The following IMMP2L variants were observed in gnomAD, a reference collection of about 807,000 sequenced individuals.
The protein encoded by IMMP2L is inner mitochondrial membrane peptidase subunit 2, also known as mitochondrial inner membrane protease subunit 2.
In IMMP2L, 18 loss-of-function variants were observed where a neutral mutation model predicts 19.3. The observed-to-expected ratio is 0.93, with a 90% CI of 0.64 to 1.38. The LOEUF (loss-of-function observed/expected upper bound fraction) is 1.38, where lower values mean the gene tolerates loss of function less well. Among genes scored for constraint, IMMP2L ranks in the 40% most tolerant of loss-of-function variants. The pLI, the probability that IMMP2L is intolerant of heterozygous loss-of-function variation, is 0.00. For synonymous variants in IMMP2L, 76 were observed against 73.0 expected, an observed-to-expected ratio of 1.04 and a Z score of -0.21; for missense variants, 233 against 218.2, an observed-to-expected ratio of 1.07 and a Z score of -0.43.
At chr7:111,329,583 A>G (rs898279343) in intron 3 of IMMP2L, among the ~76,000 whole-genome samples, 9 of 151,876 alleles carry the variant, frequency 5.9e-5, no homozygotes, top group African/African-American at 2.2e-4. Context: ...CAGAACACTG[A>G]TAACAGAAAG....
chr7:110,674,970 G>C (rs1275445998), intron 5 of IMMP2L, among the ~76,000 whole-genome samples: 1 of 152,126 alleles, frequency 6.6e-6, no homozygotes, highest in Non-Finnish European at 1.5e-5. Flanking sequence ...CTCCCAGCCA[G>C]TCCAATTCAT....
chr7:111,362,341 T>G (rs1257402668), intron 3 of IMMP2L, among the ~76,000 whole-genome samples: 1 of 152,086 alleles, frequency 6.6e-6, no homozygotes, highest in Non-Finnish European at 1.5e-5. Context: ...TTTCTAAAAC[T>G]GTAATGTTCA....
At chr7:111,186,546 A>G (rs1360451926) in intron 3 of IMMP2L, among the ~76,000 whole-genome samples, 5 of 152,042 alleles carry the variant, frequency 3.3e-5, no homozygotes, top group Non-Finnish European at 5.9e-5. Context: ...CTCCTGCTTC[A>G]GCCTCCTGAG....
At chr7:110,864,862 C>T (rs1219479438) in intron 5 of IMMP2L, among the ~76,000 whole-genome samples, 1 of 152,026 alleles carries the variant, frequency 6.6e-6, no homozygotes, top group African/African-American at 2.4e-5. Flanking sequence ...ACTCTCCATT[C>T]TAACAAGTCT....
chr7:111,369,518 G>A (rs1465684808), intron 3 of IMMP2L, among the ~76,000 whole-genome samples: 1 of 151,872 alleles, frequency 6.6e-6, no homozygotes, highest in East Asian at 1.9e-4. Context: ...ATTGGTGAGA[G>A]TCTAAAAAGC....
chr7:111,034,560 CT>C (rs34439753), intron 3 of IMMP2L, among the ~76,000 whole-genome samples: 4 of 152,066 alleles, frequency 2.6e-5, no homozygotes, highest in Non-Finnish European at 4.4e-5. Flanking sequence ...TTCCCTCCAC[CT>C]ATCTATCCAC....
intron 3 of IMMP2L, among the ~76,000 whole-genome samples, chr7:111,447,711 T>G (rs1838647805): frequency 6.6e-6 from 1 of 151,126 alleles, no homozygotes; most frequent in Non-Finnish European, 1.5e-5. Flanking sequence ...ATAACAATAT[T>G]AACTTTAAAT....
In IMMP2L at chr7:111,386,780, G is replaced by A. The variant is rs147919626; in HGVS notation, c.239+100458C>T. On this transcript the variant is annotated intron_variant, in intron 3 of 5. Transcript: ENST00000405709. The stretch of plus-strand genomic sequence containing the variant: ...GCTCCCTGTGTTCCTTGAAGGTTAT[G>A]TATAACCAAGATCTACCTTTAATGT... Among the ~76,000 whole-genome samples the A allele has an allele frequency of 5.3e-5, 8 of 152,200 alleles. No individual in the cohort carries two copies. The East Asian group carries it at 1.6e-3, about 30-fold the overall frequency.
intron 3 of IMMP2L, among the ~76,000 whole-genome samples, chr7:110,987,608 C>T (rs1261364285): frequency 2.0e-5 from 3 of 152,144 alleles, no homozygotes; most frequent in African/African-American, 7.2e-5. Context: ...ACTTTGGAAA[C>T]ACTAGGATAG....
chr7:111,200,791 A>T (rs148427985), intron 3 of IMMP2L, among the ~76,000 whole-genome samples: 1 of 152,170 alleles, frequency 6.6e-6, no homozygotes, highest in Admixed American at 6.5e-5. Context: ...AACTTGAGGA[A>T]TAAAAGGAAT....
At chr7:111,278,686 C>T (rs984559124) in intron 3 of IMMP2L, among the ~76,000 whole-genome samples, 1 of 152,074 alleles carries the variant, frequency 6.6e-6, no homozygotes, top group African/African-American at 2.4e-5. Flanking sequence ...GAAAGGAAAA[C>T]CTAATAAAGT....
chr7:111,278,567 A>T (rs1819359215), intron 3 of IMMP2L, among the ~76,000 whole-genome samples: 1 of 152,324 alleles, frequency 6.6e-6, no homozygotes, highest in East Asian at 1.9e-4. Flanking sequence ...ATATACAGAC[A>T]CATCAGTTGC....
intron 5 of IMMP2L, among the ~76,000 whole-genome samples, chr7:110,818,833 C>A (rs1243872005): frequency 4.0e-5 from 6 of 151,500 alleles, no homozygotes; most frequent in African/African-American, 1.5e-4. Flanking sequence ...AGGTGGAAAC[C>A]ATCATTCTCA....
At chr7:110,919,516 G>A (rs1814013216) in intron 4 of IMMP2L, among the ~76,000 whole-genome samples, 1 of 152,108 alleles carries the variant, frequency 6.6e-6, no homozygotes, top group African/African-American at 2.4e-5. Flanking sequence ...GGAGCAATGC[G>A]GGTATGCTTT....
At chr7:110,944,462 T>A (rs778499960) in intron 4 of IMMP2L, among the ~76,000 whole-genome samples, 4 of 151,708 alleles carry the variant, frequency 2.6e-5, no homozygotes, top group Non-Finnish European at 4.4e-5. Context: ...TGTGTGTGTG[T>A]GCGCGCGCAC....
At chr7:111,040,559 G>A (rs1013528433) in intron 3 of IMMP2L, among the ~76,000 whole-genome samples, 1 of 151,098 alleles carries the variant, frequency 6.6e-6, no homozygotes, top group Admixed American at 6.6e-5. Flanking sequence ...TAATCTAAAA[G>A]ATATTTATAT....
At chr7:110,705,115 G>C (rs921418628) in intron 5 of IMMP2L, among the ~76,000 whole-genome samples, 4 of 41,644 alleles carry the variant, frequency 9.6e-5, no homozygotes, top group African/African-American at 2.6e-4. Context: ...TGTCATAAGA[G>C]ATTAGTGATG....
intron 3 of IMMP2L, among the ~76,000 whole-genome samples, chr7:111,198,769 C>G (rs1809774040): frequency 6.6e-6 from 1 of 152,142 alleles, no homozygotes; most frequent in Admixed American, 6.5e-5. Context: ...TTCTGGAACT[C>G]TGTTCTTCCA....
At position 110,755,063 on chromosome 7, in the gene IMMP2L, A is replaced by G. The variant is rs554986354; in HGVS notation, c.409-91342T>C. 3.3e-5 allele frequency among the ~76,000 whole-genome samples: 5 copies of G among 152,186 alleles called. No homozygotes were observed. The East Asian group carries it at 5.8e-4, about 18-fold the overall frequency. ...ATACAGGCAATGGATTAAGGCATAAATAACAATATCTGCAACATAAGCTAT... is the reference window on the plus strand; with the variant it reads ...ATACAGGCAATGGATTAAGGCATAAGTAACAATATCTGCAACATAAGCTAT... On this transcript the variant is annotated intron_variant, in intron 5 of 5. Transcript: ENST00000405709.
Sources: gnomAD v4.1 joint callset for allele counts (sites outside exome capture counted in the v4.1 genomes callset) on GRCh38, gnomAD v4.1.1 for gene constraint, MANE v1.5 for transcripts, NCBI Gene and HGNC (gene_info 2026-07-23, HGNC 2026-07-21) for gene names.